TAB3: variants seen among roughly 807,000 people sequenced by gnomAD.
TAB3 encodes TGF-beta-activated kinase 1 and MAP3K7-binding protein 3.
In TAB3, 18 loss-of-function variants were observed where a neutral mutation model predicts 48.1. That is an observed-to-expected ratio of 0.37 (90% CI 0.26 to 0.55). The LOEUF (loss-of-function observed/expected upper bound fraction) is 0.55, where lower values mean the gene tolerates loss of function less well. Ranked by LOEUF, TAB3 falls within the 20% of genes least tolerant of loss-of-function variation. The pLI, the probability that TAB3 is intolerant of heterozygous loss-of-function variation, is 0.78. For synonymous variants in TAB3, 185 were observed against 190.2 expected, an observed-to-expected ratio of 0.97 and a Z score of 0.22; for missense variants, 414 against 549.8, an observed-to-expected ratio of 0.75 and a Z score of 2.47.
intron 9 of TAB3, among the ~76,000 whole-genome samples, chrX:30,837,658 A>G (rs1938280834): frequency 8.9e-6 from 1 of 112,420 alleles, no homozygotes; most frequent in Non-Finnish European, 1.9e-5. Flanking sequence ...TTTTCTTAAT[A>G]GTGTCACTTG....
intron 7 of TAB3, 45 bp downstream of exon 7, chrX:30,852,733 C>T: frequency 8.9e-7 from 1 of 1,123,335 alleles, no homozygotes; most frequent in Non-Finnish European, 1.2e-6. Flanking sequence ...ACCTGACAGC[C>T]AATATCCCGA....
At chrX:30,866,194 TAG>T (rs1569219697) in intron 4 of TAB3, among the ~76,000 whole-genome samples, 1 of 111,632 alleles carries the variant, frequency 9.0e-6, no homozygotes, top group East Asian at 2.8e-4. Context: ...CCAGAAACGA[TAG>T]ATTCATATTT....
At position 30,873,059 on chromosome X, in the gene TAB3, T is replaced by G. The variant is rs899885447; in HGVS notation, c.-382-1258A>C. The stretch of plus-strand genomic sequence containing the variant: ...GGATTGTTATACATTATAAGAGAAT[T>G]AAGAGACTTAAGGGGTATAACCAAA... On this transcript the variant is annotated intron_variant, in intron 1 of 10. Transcript: ENST00000288422. Among the ~76,000 whole-genome samples, 4 of 112,059 alleles carry G rather than the reference T, an allele frequency of 3.6e-5. No individual in the cohort carries two copies. In the Admixed American group the frequency reaches 3.8e-4, roughly 11 times the overall value.
rs775780748 is a variant in TAB3, at chrX:30,830,524, T to C, written c.*903A>G. On this transcript the variant is annotated 3_prime_UTR_variant, in exon 11 of 11. Coordinates refer to ENST00000288422, the MANE Select transcript of TAB3 (RefSeq NM_152787.5). Reference sequence around the variant, plus strand: ...TGAGCTCAAGATTTCCAAATGGATTTTGGAATGGACTTGCATTTGGCATAC... The same window carrying C: ...TGAGCTCAAGATTTCCAAATGGATTCTGGAATGGACTTGCATTTGGCATAC... 8.9e-6 allele frequency: 1 copy of C among 112,544 alleles called. No homozygotes were observed. The highest frequency in any genetic ancestry group is 2.8e-4 in the East Asian group (1 of 3,586). The allele number at this position is 112,544 out of a possible 1,213,427, so 9.3% of individuals were successfully genotyped here. A position where few individuals can be genotyped will look rare whatever the true frequency, so the allele number is the denominator to read the frequency against.
intron 4 of TAB3, among the ~76,000 whole-genome samples, chrX:30,863,006 A>G (rs1939295526): frequency 9.1e-6 from 1 of 110,401 alleles, no homozygotes; most frequent in Non-Finnish European, 1.9e-5. Context: ...ATGGTTATAA[A>G]TACTTTCCTT....
At chrX:30,886,672 G>A (rs772158208) in intron 1 of TAB3, among the ~76,000 whole-genome samples, 1 of 112,693 alleles carries the variant, frequency 8.9e-6, no homozygotes, top group East Asian at 2.8e-4. Flanking sequence ...CTTTCAGCCA[G>A]AGATAATTAA....
chrX:30,846,784 A>G, intron 7 of TAB3, 140 bp from the exon 8 acceptor site: 1 of 401,272 alleles, frequency 2.5e-6, no homozygotes, highest in Non-Finnish European at 4.3e-6. Flanking sequence ...CATGTTTAAG[A>G]AGTCCTATGT....
intron 10 of TAB3, among the ~76,000 whole-genome samples, 163 bp downstream of exon 10, chrX:30,833,888 T>G (rs1348670283): frequency 9.0e-6 from 1 of 111,304 alleles, no homozygotes; most frequent in Non-Finnish European, 1.9e-5. Flanking sequence ...AATTTTAAAT[T>G]GTATATGTGG....
intron 9 of TAB3, among the ~76,000 whole-genome samples, chrX:30,838,987 C>CTT (rs1419515617): frequency 1.9e-5 from 2 of 104,423 alleles, no homozygotes; most frequent in East Asian, 5.9e-4. Context: ...AATATTTATG[C>CTT]TTTTTTTTTT....
chrX:30,855,864 G>A (rs945161920), intron 5 of TAB3, among the ~76,000 whole-genome samples: 8 of 111,476 alleles, frequency 7.2e-5, no homozygotes, highest in African/African-American at 2.6e-4. Flanking sequence ...CCAAATCCAG[G>A]ACTCATTTTA....
chrX:30,857,295 C>T (rs1183534672), intron 5 of TAB3, among the ~76,000 whole-genome samples: 1 of 111,163 alleles, frequency 9.0e-6, no homozygotes, highest in Non-Finnish European at 1.9e-5. Flanking sequence ...TTATTTTTAC[C>T]TTGCTTGAAA....
intron 8 of TAB3, 32 bp downstream of exon 8, chrX:30,846,519 A>G (rs757122616): frequency 1.9e-6 from 2 of 1,057,803 alleles, no homozygotes; most frequent in Non-Finnish European, 2.6e-6. Context: ...CCACACTATT[A>G]CTTATGGTTT....
Position 30,841,737 on chromosome X carries a change from T to A in TAB3, c.1888+1229A>T, listed in dbSNP as rs773320318. On this transcript the variant is annotated intron_variant, in intron 9 of 10. Transcript: ENST00000288422. ...ATGTGTCTTCATGATCAATCTACCT[T>A]GAGTTGCTTAAGGCAAAAAGGATTA... Among the ~76,000 whole-genome samples the A allele has an allele frequency of 5.3e-5, 6 of 112,210 alleles. No individual in the cohort carries two copies. The South Asian group carries it at 2.2e-3, about 41-fold the overall frequency.
Position 30,872,574 on chromosome X carries a change from G to A in TAB3, c.-382-773C>T, listed in dbSNP as rs1171421334. On this transcript the variant is annotated intron_variant, in intron 1 of 10. Transcript: ENST00000288422. ...TTATACATTTAACAATTCAATAAAT[G>A]ACTACATATTTCAGGTTAACCAAAT... 2.7e-5 allele frequency among the ~76,000 whole-genome samples: 3 copies of A among 112,203 alleles called. No individual in the cohort carries two copies. In the Admixed American group the frequency reaches 2.8e-4, roughly 11 times the overall value.
Position 30,834,077 on chromosome X carries a change from T to C in TAB3, c.1964A>G (p.His655Arg), listed in dbSNP as rs775691680. 81 of 1,209,858 alleles carry C rather than the reference T, an allele frequency of 6.7e-5. No individual in the cohort carries two copies. The highest frequency in any genetic ancestry group is 8.5e-5 in the Non-Finnish European group (76 of 895,183). Residue 655 changes from histidine to arginine, a missense_variant, in exon 10 of 11, where the codon CAT becomes CGT. Physicochemically the swap from His to Arg is conservative, Grantham distance 29. Coordinates refer to ENST00000288422, the MANE Select transcript of TAB3 (RefSeq NM_152787.5). ...ATCTGCAGCTGCTGCCTGGGTGTCATGGATGTCTGCCTGTACTTTGGAGGT... is the reference window on the plus strand; with the variant it reads ...ATCTGCAGCTGCTGCCTGGGTGTCACGGATGTCTGCCTGTACTTTGGAGGT... Reference protein sequence around the residue: ...SVTSKVQADIHDTQAAAADEH... With the variant: ...SVTSKVQADIRDTQAAAADEH...
At chrX:30,887,484 A>G (rs887018397) in intron 1 of TAB3, among the ~76,000 whole-genome samples, 1 of 113,033 alleles carries the variant, frequency 8.8e-6, no homozygotes, top group African/African-American at 3.2e-5. Flanking sequence ...AATTTGTATC[A>G]GTCAGCACAA....
At chrX:30,832,429 GATCT>G in intron 10 of TAB3, among the ~76,000 whole-genome samples, 1 of 111,856 alleles carries the variant, frequency 8.9e-6, no homozygotes, top group East Asian at 2.8e-4. Context: ...GGAGACTAAA[GATCT>G]CCAGATGGAA....
chrX:30,834,197 C>T, intron 9 of TAB3, 45 bp from the exon 10 acceptor site: 2 of 1,109,952 alleles, frequency 1.8e-6, no homozygotes, highest in Non-Finnish European at 2.5e-6. Flanking sequence ...TCCAGTCTTT[C>T]AACTGCAAGA....
chrX:30,883,833 C>T (rs1404216237), intron 1 of TAB3, among the ~76,000 whole-genome samples: 2 of 111,315 alleles, frequency 1.8e-5, no homozygotes, highest in Admixed American at 1.9e-4. Flanking sequence ...TATTATGTGA[C>T]ATTTTTCTGT....
Sources: gnomAD v4.1 joint callset for allele counts (sites outside exome capture counted in the v4.1 genomes callset) on GRCh38, gnomAD v4.1.1 for gene constraint, MANE v1.5 for transcripts, NCBI Gene and HGNC (gene_info 2026-07-23, HGNC 2026-07-21) for gene names.